Variants in USP39 observed in about 807,000 individuals in gnomAD.
The protein encoded by USP39 is ubiquitin carboxyl-terminal hydrolase 39.
In USP39, 38 loss-of-function variants were observed where a neutral mutation model predicts 66.4. The ratio of observed to expected loss-of-function variants is 0.57; its 90% CI spans 0.44 to 0.75. The LOEUF (loss-of-function observed/expected upper bound fraction) is 0.75, where lower values mean the gene tolerates loss of function less well. USP39 is among the 30% of genes least tolerant of loss of function. The probability of loss-of-function intolerance (pLI) is 0.00; values close to 1 mark genes in which losing one functional copy is unlikely to be tolerated. For missense variants in USP39, 608 were observed against 714.4 expected (o/e 0.85, Z 1.70); for synonymous variants, 303 against 274.6 (o/e 1.10, Z -1.02).
upstream of USP39, chr2:85,611,810 AG>A (rs1162134013): frequency 6.2e-7 from 1 of 1,609,264 alleles, no homozygotes; most frequent in Non-Finnish European, 8.5e-7. Context: ...AGCGGGAGTC[AG>A]GGACTGTCGG....
At chr2:85,618,122 T>G (rs1250375664) in intron 1 of USP39, among the ~76,000 whole-genome samples, 1 of 152,010 alleles carries the variant, frequency 6.6e-6, no homozygotes. Flanking sequence ...GCCCGGCTAA[T>G]TTTTGTATTT....
chr2:85,634,222 T>G (rs945260147), intron 6 of USP39, among the ~76,000 whole-genome samples: 2 of 151,796 alleles, frequency 1.3e-5, no homozygotes, highest in Non-Finnish European at 2.9e-5. Context: ...GGAGCACTTG[T>G]TTCAGGGTTA....
At chr2:85,611,462 G>T, upstream of USP39, 1 of 1,546,010 alleles carries the variant, frequency 6.5e-7, no homozygotes, top group Non-Finnish European at 8.7e-7. Flanking sequence ...TACTCTGACA[G>T]CGATGCTTAA....
At chr2:85,640,897 C>A in intron 9 of USP39, 79 bp from the exon 10 acceptor site, 4 of 1,300,798 alleles carry the variant, frequency 3.1e-6, no homozygotes, top group Non-Finnish European at 3.1e-6. Flanking sequence ...TTTAAAAAAT[C>A]GAAATGAAAA....
chr2:85,612,480 T>C, upstream of USP39: 3 of 1,085,620 alleles, frequency 2.8e-6, no homozygotes, highest in Non-Finnish European at 4.0e-6. Flanking sequence ...CTCAAATGGA[T>C]TGTGAGGCCT....
rs182172814 is a variant in USP39, at chr2:85,618,701, C to T, written c.269-519C>T. On this transcript the variant is annotated intron_variant, in intron 1 of 12. Coordinates refer to ENST00000323701, the MANE Select transcript of USP39 (RefSeq NM_006590.4). Reference sequence around the variant, plus strand: ...TTCTTTATGTAAAATGCAAACAAATCTTCTGTTGATTTTATGTATACCAAA... The same window carrying T: ...TTCTTTATGTAAAATGCAAACAAATTTTCTGTTGATTTTATGTATACCAAA... Among the ~76,000 whole-genome samples the T allele has an allele frequency of 1.6e-3, 242 of 151,646 alleles. 1 individual carries two copies. Among genetic ancestry groups the T allele is most frequent in the Non-Finnish European group, 3.0e-3 (203 of 67,918 alleles).
rs879644990 is a variant in USP39 at position 85,647,838 on chromosome 2, T to TAG, written c.1564-92_1564-91insAG. 4,236 of 1,160,454 alleles carry TAG rather than the reference T, an allele frequency of 3.7e-3. 42 individuals carry two copies. The Middle Eastern group carries it at 0.04, about 11-fold the overall frequency. 71.9% of individuals were successfully genotyped at this position (1,160,454 alleles called of 1,614,324 possible). A position where few individuals can be genotyped will look rare whatever the true frequency, so the allele number is the denominator to read the frequency against. ...CTGGATGATGTCTAGTGGCTGTTCT[T>TAG]CTAATTTTTCTAGTCTTGGCTATGA... On this transcript the variant is annotated intron_variant, in intron 11 of 12. Coordinates refer to ENST00000323701, the MANE Select transcript of USP39 (RefSeq NM_006590.4).
At chr2:85,639,080 T>G in intron 8 of USP39, 123 bp from the exon 9 acceptor site, 1 of 978,288 alleles carries the variant, frequency 1.0e-6, no homozygotes, top group East Asian at 2.7e-5. Flanking sequence ...CTGCCCAATC[T>G]CTCGGGCACT....
At chr2:85,617,135 A>G (rs1457772086) in intron 1 of USP39, among the ~76,000 whole-genome samples, 1 of 131,090 alleles carries the variant, frequency 7.6e-6, no homozygotes, top group African/African-American at 2.9e-5. Flanking sequence ...TTTGCGTTTT[A>G]AGAGAAGCAA....
chr2:85,639,392 G>T lies in USP39; in HGVS notation c.1284+1G>T, dbSNP rs1676052169. 1 of 1,612,334 alleles carries T rather than the reference G, an allele frequency of 6.2e-7. No homozygotes were observed. Among genetic ancestry groups the T allele is most frequent in the Non-Finnish European group, 8.5e-7 (1 of 1,179,380 alleles). The stretch of plus-strand genomic sequence containing the variant: ...TAAGTTCAATGGCATCACTGAGAAG[G>T]TAGCCCATTAACACACCTGCCCTGC... On this transcript the variant is annotated splice_donor_variant, in intron 9 of 12. Coordinates refer to ENST00000323701, the MANE Select transcript of USP39 (RefSeq NM_006590.4). LOFTEE classifies it high-confidence loss of function.
At position 85,616,379 on chromosome 2, in the gene USP39, G is replaced by GC; in HGVS notation, c.188dup (p.Ala64GlyfsTer17). 1 of 1,602,634 alleles carries GC rather than the reference G, an allele frequency of 6.2e-7. No homozygotes were observed. Among genetic ancestry groups the GC allele is most frequent in the Non-Finnish European group, 8.5e-7 (1 of 1,174,778 alleles). ...GTTCGAGCCGGCGAGCGCGCGCGAG[G>GC]CCCCGGCTTCTGTTGTCCCGTTTGT... On this transcript the variant is annotated frameshift_variant, in exon 1 of 13. Coordinates refer to ENST00000323701, the MANE Select transcript of USP39 (RefSeq NM_006590.4). LOFTEE classifies it high-confidence loss of function.
intron 5 of USP39, among the ~76,000 whole-genome samples, chr2:85,630,340 A>C (rs2104294471): frequency 6.6e-6 from 1 of 152,336 alleles, no homozygotes; most frequent in African/African-American, 2.4e-5. Flanking sequence ...TGGATGATGA[A>C]GGAAAGAGTA....
chr2:85,629,381 C>T (rs973662735), intron 5 of USP39, among the ~76,000 whole-genome samples: 1 of 152,008 alleles, frequency 6.6e-6, no homozygotes, highest in Non-Finnish European at 1.5e-5. Flanking sequence ...AGTTTTGTAG[C>T]TCAGGCTGAT....
chr2:85,639,408 C>T lies in USP39; in HGVS notation c.1284+17C>T, dbSNP rs777082859. On this transcript the variant is annotated intron_variant, in intron 9 of 12. Coordinates refer to ENST00000323701, the MANE Select transcript of USP39 (RefSeq NM_006590.4). ...ACTGAGAAGGTAGCCCATTAACACA[C>T]CTGCCCTGCCTATACTTACCCTCGC... The T allele has an allele frequency of 1.2e-6, 2 of 1,605,818 alleles. No homozygotes were observed. Among genetic ancestry groups the T allele is most frequent in the Middle Eastern group, 1.7e-4 (1 of 6,024 alleles).
Position 85,647,965 on chromosome 2 carries a change from G to A in USP39, c.1599G>A (p.Gln533=). The A allele has an allele frequency of 5.0e-6, 8 of 1,614,116 alleles. No individual in the cohort carries two copies. Among genetic ancestry groups the A allele is most frequent in the Non-Finnish European group, 6.8e-6 (8 of 1,180,020 alleles). ...AATGGTATGAATTACAAGACCTCCA[G>A]GTGACTGACATCCTTCCCCAGATGA... ...TGKWYELQDL[Q]VTDILPQMIT... Residue 533 remains glutamine (Q), a synonymous_variant, in exon 12 of 13, where the codon CAG becomes CAA. Coordinates refer to ENST00000323701, the MANE Select transcript of USP39 (RefSeq NM_006590.4).
At chr2:85,645,699 T>C (rs181446166) in intron 11 of USP39, 1 of 152,354 alleles carries the variant, frequency 6.6e-6, no homozygotes, top group East Asian at 1.9e-4. Flanking sequence ...GGACAGCCCG[T>C]GTTACAAAGA....
chr2:85,625,231 C>G (rs1674759056), intron 4 of USP39, among the ~76,000 whole-genome samples: 1 of 152,094 alleles, frequency 6.6e-6, no homozygotes, highest in African/African-American at 2.4e-5. Context: ...CTTAGACTGC[C>G]TTTAGGAACT....
rs1673979666 is a variant in USP39, at chr2:85,616,564, G to T, written c.268+101G>T. 4.0e-6 allele frequency: 5 copies of T among 1,242,558 alleles called. 1 individual carries two copies. Among genetic ancestry groups the T allele is most frequent in the Admixed American group, 6.5e-5 (2 of 30,942 alleles). 77.0% of individuals were successfully genotyped at this position (1,242,558 alleles called of 1,614,324 possible). ...CTAGGTCACTGCGCCGGAGTTGGGG[G>T]AGGGGTGGGGTTGGGGTGGAGAAGA... On this transcript the variant is annotated intron_variant, in intron 1 of 12. Transcript: ENST00000323701.
At position 85,622,404 on chromosome 2, in the gene USP39, T is replaced by C. The variant is rs577666244; in HGVS notation, c.433+825T>C. ...TCCCAAAGTGCTGGGATTACAGGCATGAGCCACCGTGCACGGCCACATTTT... is the reference window on the plus strand; with the variant it reads ...TCCCAAAGTGCTGGGATTACAGGCACGAGCCACCGTGCACGGCCACATTTT... On this transcript the variant is annotated intron_variant, in intron 3 of 12. Coordinates refer to ENST00000323701, the MANE Select transcript of USP39 (RefSeq NM_006590.4). 2.8e-3 allele frequency among the ~76,000 whole-genome samples: 433 copies of C among 152,206 alleles called. 3 individuals are homozygous for C. Among genetic ancestry groups the C allele is most frequent in the African/African-American group, 9.9e-3 (413 of 41,536 alleles).
Sources: allele counts gnomAD v4.1 joint callset (sites outside exome capture counted in the v4.1 genomes callset), GRCh38; gene constraint gnomAD v4.1.1; transcripts MANE v1.5; gene names NCBI Gene and HGNC (gene_info 2026-07-23, HGNC 2026-07-21).